Variants in PDS5B observed in about 807,000 individuals in gnomAD.
The protein encoded by PDS5B is PDS5 cohesin associated factor B.
In PDS5B, 51 loss-of-function variants were observed where a neutral mutation model predicts 184.1. The observed-to-expected ratio is 0.28, with a 90% CI of 0.22 to 0.35. The LOEUF (loss-of-function observed/expected upper bound fraction) is 0.35. Among genes scored for constraint, PDS5B ranks in the 10% least tolerant of loss-of-function variants. The probability of loss-of-function intolerance (pLI) is 1.00; values close to 1 mark genes in which losing one functional copy is unlikely to be tolerated. For missense variants in PDS5B, 1,180 were observed against 1,723.3 expected (o/e 0.68, Z 5.58); for synonymous variants, 566 against 569.2 (o/e 0.99, Z 0.08).
chr13:32,711,820 T>C (rs548455503), intron 19 of PDS5B, among the ~76,000 whole-genome samples: 66 of 152,234 alleles, frequency 4.3e-4, no homozygotes, highest in Non-Finnish European at 7.6e-4. Flanking sequence ...TACCCACTCA[T>C]TATGTATAAA....
intron 1 of PDS5B, among the ~76,000 whole-genome samples, chr13:32,611,955 A>G (rs1432299311): frequency 6.6e-6 from 1 of 152,116 alleles, no homozygotes. Flanking sequence ...AGTTCTGGCT[A>G]TATGAAACTA....
At chr13:32,636,687 G>T (rs2058566390) in intron 1 of PDS5B, among the ~76,000 whole-genome samples, 1 of 152,160 alleles carries the variant, frequency 6.6e-6, no homozygotes, top group African/African-American at 2.4e-5. Flanking sequence ...AACCTGCATT[G>T]TGTTATGCAT....
intron 1 of PDS5B, among the ~76,000 whole-genome samples, chr13:32,612,055 T>G (rs1566246709): frequency 6.6e-6 from 1 of 152,122 alleles, no homozygotes; most frequent in Non-Finnish European, 1.5e-5. Flanking sequence ...TGCATCTTTT[T>G]TTTTTTTCCT....
At chr13:32,738,091 G>A (rs1176529071) in intron 21 of PDS5B, among the ~76,000 whole-genome samples, 1 of 152,036 alleles carries the variant, frequency 6.6e-6, no homozygotes, top group East Asian at 1.9e-4. Context: ...ATTTCACTGT[G>A]GAAAATATCT....
At chr13:32,740,345 A>T (rs996177125) in intron 21 of PDS5B, among the ~76,000 whole-genome samples, 1 of 152,084 alleles carries the variant, frequency 6.6e-6, no homozygotes, top group African/African-American at 2.4e-5. Flanking sequence ...CATTATTTTT[A>T]CTTCATACTT....
chr13:32,606,678 A>G (rs2058065670), intron 1 of PDS5B, among the ~76,000 whole-genome samples: 1 of 152,184 alleles, frequency 6.6e-6, no homozygotes, highest in Non-Finnish European at 1.5e-5. Context: ...ACTTGGTTCC[A>G]TGCTGCCTGT....
chr13:32,607,929 G>A (rs1219361352), intron 1 of PDS5B, among the ~76,000 whole-genome samples: 1 of 152,198 alleles, frequency 6.6e-6, no homozygotes, highest in East Asian at 1.9e-4. Flanking sequence ...AGCAGGGTGG[G>A]AGCGTCCTGA....
intron 1 of PDS5B, among the ~76,000 whole-genome samples, chr13:32,592,173 G>C (rs1297257251): frequency 6.6e-6 from 1 of 152,022 alleles, no homozygotes; most frequent in African/African-American, 2.4e-5. Context: ...CTGTCATTTG[G>C]TTTTCTCCTC....
chr13:32,744,808 A>C (rs1445546452), intron 23 of PDS5B, among the ~76,000 whole-genome samples: 1 of 152,192 alleles, frequency 6.6e-6, no homozygotes, highest in African/African-American at 2.4e-5. Flanking sequence ...CATCCAGTCA[A>C]TATTTTTACA....
At chr13:32,706,849 T>C (rs1952034052) in intron 17 of PDS5B, 85 bp from the exon 18 acceptor site, 2 of 719,280 alleles carry the variant, frequency 2.8e-6, no homozygotes, top group Admixed American at 5.1e-5. Flanking sequence ...TATATATGTA[T>C]GTGCACATAT....
intron 1 of PDS5B, among the ~76,000 whole-genome samples, chr13:32,610,461 TAACA>T (rs2058123735): frequency 6.6e-6 from 1 of 152,216 alleles, no homozygotes; most frequent in East Asian, 1.9e-4. Flanking sequence ...TTAGTAACAC[TAACA>T]GTTACTCTGA....
intron 1 of PDS5B, among the ~76,000 whole-genome samples, chr13:32,613,728 TGTAA>T (rs1461085340): frequency 1.3e-5 from 2 of 152,232 alleles, no homozygotes; most frequent in Admixed American, 6.5e-5. Context: ...GCACAAAAGT[TGTAA>T]GTTTTAATCA....
At chr13:32,620,145 A>T (rs2058277019) in intron 1 of PDS5B, among the ~76,000 whole-genome samples, 1 of 152,112 alleles carries the variant, frequency 6.6e-6, no homozygotes, top group South Asian at 2.1e-4. Flanking sequence ...TTTTTGTTTA[A>T]AATTACATTT....
chr13:32,599,863 CG>C (rs2057945429), intron 1 of PDS5B, among the ~76,000 whole-genome samples: 2 of 151,958 alleles, frequency 1.3e-5, no homozygotes, highest in African/African-American at 4.8e-5. Flanking sequence ...TGCAGTGAGC[CG>C]AGATCGTGCC....
chr13:32,604,710 T>G (rs1593248638), intron 1 of PDS5B, among the ~76,000 whole-genome samples: 1 of 152,214 alleles, frequency 6.6e-6, no homozygotes, highest in East Asian at 1.9e-4. Context: ...TCCTGGACTT[T>G]TTTTGGTTGG....
intron 1 of PDS5B, among the ~76,000 whole-genome samples, chr13:32,645,297 T>C (rs965564595): frequency 1.5e-4 from 23 of 152,186 alleles, no homozygotes; most frequent in African/African-American, 4.1e-4. Context: ...ATAGTTCTCA[T>C]TGGGTTTTGT....
chr13:32,628,603 GA>G (rs1353719398), intron 1 of PDS5B, among the ~76,000 whole-genome samples: 5 of 150,094 alleles, frequency 3.3e-5, no homozygotes, highest in Admixed American at 6.7e-5. Flanking sequence ...TAATTATGTA[GA>G]TTTTTTTTTG....
chr13:32,633,195 T>G (rs961984445), intron 1 of PDS5B, among the ~76,000 whole-genome samples: 1 of 152,190 alleles, frequency 6.6e-6, no homozygotes, highest in African/African-American at 2.4e-5. Flanking sequence ...TGGTTACAAG[T>G]TTCTTTCTGT....
chr13:32,627,054 A>G (rs1018712189), intron 1 of PDS5B, among the ~76,000 whole-genome samples: 5 of 152,160 alleles, frequency 3.3e-5, no homozygotes, highest in Non-Finnish European at 2.9e-5. Context: ...CTAGCTTCTC[A>G]AAGATAATAT....
Sources: gnomAD v4.1 joint callset for allele counts (sites outside exome capture counted in the v4.1 genomes callset) on GRCh38, gnomAD v4.1.1 for gene constraint, MANE v1.5 for transcripts, NCBI Gene and HGNC (gene_info 2026-07-23, HGNC 2026-07-21) for gene names.